Variants in MAP3K14 observed in about 807,000 individuals in gnomAD.
MAP3K14 encodes the protein NF-kappa-beta-inducing kinase.
In MAP3K14, 16 loss-of-function variants were observed where a neutral mutation model predicts 99.2. That is an observed-to-expected ratio of 0.16 (90% CI 0.11 to 0.24). The LOEUF (loss-of-function observed/expected upper bound fraction) is 0.24. Ranked by LOEUF, MAP3K14 falls within the 10% of genes least tolerant of loss-of-function variation. The probability of loss-of-function intolerance (pLI) is 1.00; values close to 1 mark genes in which losing one functional copy is unlikely to be tolerated. For synonymous variants in MAP3K14, 462 were observed against 492.4 expected (o/e 0.94, Z 0.82); for missense variants, 784 against 1,208.7 (o/e 0.65, Z 5.21).
At chr17:45,299,628 G>A (rs2044371427) in intron 1 of MAP3K14, among the ~76,000 whole-genome samples, 1 of 152,196 alleles carries the variant, frequency 6.6e-6, no homozygotes, top group Admixed American at 6.5e-5. Flanking sequence ...AACGCAGCTG[G>A]AGGAACCTCA....
intron 9 of MAP3K14, 148 bp from the exon 10 acceptor site, chr17:45,271,369 G>T: frequency 1.4e-6 from 1 of 719,954 alleles, no homozygotes; most frequent in Non-Finnish European, 2.1e-6. Context: ...TCTTTGAGAT[G>T]GAGTCTTGCT....
In MAP3K14 at chr17:45,283,703, T is replaced by G. The variant is rs559520243; in HGVS notation, c.1290+1109A>C. On this transcript the variant is annotated intron_variant, in intron 6 of 15. Transcript: ENST00000344686. ...TTGGAGCACTTCAGATTTTGGGTTT[T>G]CAGATTGCGGATGCTCTACCTGTAT... 3.3e-5 allele frequency among the ~76,000 whole-genome samples: 5 copies of G among 152,348 alleles called. No homozygotes were observed. In the East Asian group the frequency reaches 9.6e-4, roughly 29 times the overall value.
intron 1 of MAP3K14, among the ~76,000 whole-genome samples, chr17:45,296,540 G>A (rs969632455): frequency 6.6e-6 from 1 of 151,842 alleles, no homozygotes; most frequent in Non-Finnish European, 1.5e-5. Flanking sequence ...GAAAGAAAAG[G>A]AGGGGAAAAA....
chr17:45,283,354 C>A (rs578227773), intron 6 of MAP3K14, among the ~76,000 whole-genome samples: 2 of 152,212 alleles, frequency 1.3e-5, no homozygotes, highest in African/African-American at 4.8e-5. Flanking sequence ...GGCAAGAACT[C>A]GGCAAGAACT....
chr17:45,311,143 C>T (rs2044474830), intron 1 of MAP3K14, among the ~76,000 whole-genome samples: 1 of 152,208 alleles, frequency 6.6e-6, no homozygotes, highest in African/African-American at 2.4e-5. Flanking sequence ...ACTTGGCTTT[C>T]TTGGGCCACC....
intron 14 of MAP3K14, 199 bp downstream of exon 14, chr17:45,266,338 C>T (rs2044082122): frequency 3.6e-6 from 2 of 559,574 alleles, no homozygotes; most frequent in Admixed American, 3.2e-5. Context: ...CTCACTGCCC[C>T]ATCAGGAAAG....
intron 11 of MAP3K14, chr17:45,268,320 G>T (rs1362964580): frequency 6.6e-6 from 1 of 152,048 alleles, no homozygotes; most frequent in African/African-American, 2.4e-5. Context: ...CCTTTTTTGT[G>T]CCCATCCCTC....
chr17:45,285,049 G>A (rs1013343639), intron 5 of MAP3K14, 100 bp from the exon 6 acceptor site: 29 of 1,363,934 alleles, frequency 2.1e-5, no homozygotes, highest in Non-Finnish European at 2.6e-5. Flanking sequence ...ACCTTGCCAG[G>A]GCTGCTGAGC....
Position 45,274,267 on chromosome 17 carries a change from A to T in MAP3K14, c.1421-13T>A. On this transcript the variant is annotated splice_polypyrimidine_tract_variant and intron_variant, in intron 7 of 15. Coordinates refer to ENST00000344686, the MANE Select transcript of MAP3K14 (RefSeq NM_003954.5). ...CCCAGGGAGCCACCTAGGAGACCAA[A>T]GGCCAGGCTATACATGGGACTTGCC... 6.3e-7 allele frequency: 1 copy of T among 1,598,126 alleles called. No individual in the cohort carries two copies. The highest frequency in any genetic ancestry group is 8.5e-7 in the Non-Finnish European group (1 of 1,172,160).
At position 45,274,251 on chromosome 17, in the gene MAP3K14, C is replaced by T. The variant is rs780573783; in HGVS notation, c.1424G>A (p.Gly475Asp). 8.1e-6 allele frequency: 13 copies of T among 1,599,670 alleles called. No homozygotes were observed. The highest frequency in any genetic ancestry group is 1.7e-6 in the Non-Finnish European group (2 of 1,173,056). Residue 475 changes from glycine (G) to aspartate (D), a missense_variant, in exon 8 of 16, where the codon GGC becomes GAC. Physicochemically the swap from Gly to Asp is moderately conservative, Grantham distance 94. Transcript: ENST00000344686. ...CTCCTTGACCAGCTGGCCCAGGGAGCCACCTAGGAGACCAAAGGCCAGGCT... is the reference window on the plus strand; with the variant it reads ...CTCCTTGACCAGCTGGCCCAGGGAGTCACCTAGGAGACCAAAGGCCAGGCT... ...VNIFMELLEG[G>D]SLGQLVKEQG...
At chr17:45,302,315 AT>A (rs1373695190) in intron 1 of MAP3K14, among the ~76,000 whole-genome samples, 2 of 151,624 alleles carry the variant, frequency 1.3e-5, no homozygotes, top group Non-Finnish European at 2.9e-5. Flanking sequence ...TATTATTGTT[AT>A]TATTTTTATG....
intron 6 of MAP3K14, among the ~76,000 whole-genome samples, chr17:45,282,663 G>A (rs954500190): frequency 6.6e-5 from 10 of 152,148 alleles, no homozygotes; most frequent in African/African-American, 2.4e-4. Context: ...TAGATCAGGA[G>A]GATGAAGGGA....
Position 45,267,940 on chromosome 17 carries a change from T to C in MAP3K14, c.1973-181A>G. The C allele has an allele frequency of 1.8e-6, 1 of 558,800 alleles. No homozygotes were observed. The highest frequency in any genetic ancestry group is 2.4e-5 in the South Asian group (1 of 41,288). 34.6% of individuals were successfully genotyped at this position (558,800 alleles called of 1,614,324 possible). On this transcript the variant is annotated intron_variant, in intron 11 of 15. Transcript: ENST00000344686. This position sits in a 1 kb window ranked among gnomAD's most constrained non-coding sequence, Gnocchi z 5.1. ...ATGGTGGTCTCCACAGGAGACTTCC[T>C]CAATAAAATGGTCCCAATATGACAG...
rs776444527 is a variant in MAP3K14 at position 45,271,070 on chromosome 17, C to T, written c.1809G>A (p.Pro603=). Residue 603 remains proline, a synonymous_variant, in exon 10 of 16, where the codon CCG becomes CCA. Transcript: ENST00000344686. ...CHPWTQFFRG[P]LCLKIASEPP... ...TGCCGTCACCGACCTTGAGGCAGAG[C>T]GGCCCTCGGAAGAACTGAGTCCAGG... 5.8e-5 allele frequency: 93 copies of T among 1,612,408 alleles called. No individual in the cohort carries two copies. The highest frequency in any genetic ancestry group is 7.3e-5 in the Non-Finnish European group (86 of 1,179,628).
At position 45,267,598 on chromosome 17, in the gene MAP3K14, T is replaced by C; in HGVS notation, c.2134A>G (p.Lys712Glu). The change falls in exon 12 of 16, where the codon AAG becomes GAG. Residue 712 changes from lysine (K) to glutamate (E), a missense_variant. By Grantham distance (56) the Lys-to-Glu change is moderately conservative. Around this residue, in one of 5 missense-constraint regions of MAP3K14, gnomAD observed 128 missense variants for 143.3 expected, o/e 0.89. Transcript: ENST00000344686. The surrounding 1 kb of genome is among the most constrained non-coding windows in gnomAD (Gnocchi z 5.1). ...PAEETTGRAP[K>E]LQPPLPPEPP... is the part of the protein sequence containing the mutation. The stretch of plus-strand genomic sequence containing the variant: ...TCTGGTGGGAGAGGAGGCTGGAGCT[T>C]AGGGGCTCTGCCTGTTGTCTCCTCA... 6.2e-7 allele frequency: 1 copy of C among 1,613,046 alleles called. No individual in the cohort carries two copies. The highest frequency in any genetic ancestry group is 1.7e-4 in the Middle Eastern group (1 of 6,052).
chr17:45,276,366 A>G (rs2044180191), intron 6 of MAP3K14, among the ~76,000 whole-genome samples: 1 of 152,228 alleles, frequency 6.6e-6, no homozygotes, highest in Non-Finnish European at 1.5e-5. Flanking sequence ...TGCAAACAGC[A>G]GGGACGGTGG....
At chr17:45,281,012 A>G (rs926572462) in intron 6 of MAP3K14, among the ~76,000 whole-genome samples, 1 of 152,148 alleles carries the variant, frequency 6.6e-6, no homozygotes, top group African/African-American at 2.4e-5. Flanking sequence ...AAAGCATAAG[A>G]GAGTTGTATA....
rs954540314 is a variant in MAP3K14 at position 45,269,915 on chromosome 17, T to C, written c.1972+498A>G. 1.6e-4 allele frequency among the ~76,000 whole-genome samples: 25 copies of C among 152,286 alleles called. 1 individual carries two copies. Among genetic ancestry groups the C allele is most frequent in the South Asian group, 8.3e-4 (4 of 4,820 alleles). Reference sequence around the variant, plus strand: ...GGAGGGGGTCATGGGGTCCCTGACTTATAGCCAGTTGGTCAGAAGCACAGG... The same window carrying C: ...GGAGGGGGTCATGGGGTCCCTGACTCATAGCCAGTTGGTCAGAAGCACAGG... On this transcript the variant is annotated intron_variant, in intron 11 of 15. Transcript: ENST00000344686.
chr17:45,264,414 C>A lies in MAP3K14; in HGVS notation c.*222G>T. The A allele has an allele frequency of 3.7e-6, 2 of 546,050 alleles. No homozygotes were observed. The highest frequency in any genetic ancestry group is 4.9e-4 in the Middle Eastern group (1 of 2,036). The allele number at this position is 546,050 out of a possible 1,614,324, so 33.8% of individuals were successfully genotyped here. Reference sequence around the variant, plus strand: ...CCTGCCATCCTCCTCTGTCTCTTCACGTGGCGGAGTGTTTTCTCAGCAGGG... The same window carrying A: ...CCTGCCATCCTCCTCTGTCTCTTCAAGTGGCGGAGTGTTTTCTCAGCAGGG... On this transcript the variant is annotated 3_prime_UTR_variant, in exon 16 of 16. Transcript: ENST00000344686.
Sources: allele counts gnomAD v4.1 joint callset (sites outside exome capture counted in the v4.1 genomes callset), GRCh38; gene constraint gnomAD v4.1.1; regional missense constraint gnomAD v4.1.1; non-coding constraint Gnocchi (gnomAD v3.1); transcripts MANE v1.5; gene names NCBI Gene and HGNC (gene_info 2026-07-23, HGNC 2026-07-21).